The following EYS variants were observed in gnomAD, a reference collection of about 807,000 sequenced individuals.
EYS encodes the protein EGF-like photoreceptor maintenance factor.
In EYS, 250 loss-of-function variants were observed where a neutral mutation model predicts 282.1. The ratio of observed to expected loss-of-function variants is 0.89; its 90% CI spans 0.80 to 0.98. The LOEUF is 0.98. Ranked by LOEUF, EYS falls within the 50% of genes least tolerant of loss-of-function variation. The probability of loss-of-function intolerance (pLI) is 0.00; values close to 1 mark genes in which losing one functional copy is unlikely to be tolerated. For missense variants in EYS, 4,016 were observed against 3,709.0 expected (o/e 1.08, Z -2.15); for synonymous variants, 1,355 against 1,282.9 (o/e 1.06, Z -1.20).
At chr6:64,541,724 T>G (rs966183329) in intron 26 of EYS, among the ~76,000 whole-genome samples, 1 of 152,240 alleles carries the variant, frequency 6.6e-6, no homozygotes, top group Non-Finnish European at 1.5e-5. Flanking sequence ...ACCATGTGGC[T>G]TACTTCATCC....
chr6:64,717,948 A>G (rs939207437), intron 22 of EYS, among the ~76,000 whole-genome samples: 1 of 152,204 alleles, frequency 6.6e-6, no homozygotes, highest in Non-Finnish European at 1.5e-5. Context: ...TTCTTTGATG[A>G]ATGCAGAGAG....
At position 65,200,307 on chromosome 6, in the gene EYS, A is replaced by G. The variant is rs73741265; in HGVS notation, c.2023+95556T>C. On this transcript the variant is annotated intron_variant, in intron 12 of 42. Transcript: ENST00000503581. ...TGTTTTGAAAATCCAGGTGGAGATG[A>G]CTAGTAACTAGATAGAAATGCAATC... is the stretch of plus-strand genomic sequence containing the variant. 2.9e-3 allele frequency among the ~76,000 whole-genome samples: 434 copies of G among 151,746 alleles called. 23 individuals carry two copies. Among genetic ancestry groups the G allele is most frequent in the Middle Eastern group, 0.01 (3 of 294 alleles).
At chr6:65,396,849 T>C (rs1766296114) in intron 7 of EYS, among the ~76,000 whole-genome samples, 1 of 151,912 alleles carries the variant, frequency 6.6e-6, no homozygotes, top group African/African-American at 2.4e-5. Flanking sequence ...ACCTATTCTA[T>C]TTTTTCTTCT....
At chr6:65,629,510 G>A (rs543545025) in intron 2 of EYS, among the ~76,000 whole-genome samples, 2 of 152,242 alleles carry the variant, frequency 1.3e-5, no homozygotes, top group South Asian at 4.1e-4. Context: ...AATTCCAGCA[G>A]AACAGCTGAT....
chr6:65,027,854 T>C (rs1380645542), intron 13 of EYS, among the ~76,000 whole-genome samples: 4 of 152,200 alleles, frequency 2.6e-5, no homozygotes. Flanking sequence ...AAGGTGAATA[T>C]GAATATGTAT....
rs541885266 is a variant in EYS at position 64,102,082 on chromosome 6, C to T, written c.6425-20080G>A. The stretch of plus-strand genomic sequence containing the variant: ...ACCCACCACTCTCCTCCTTCTGTGC[C>T]GCCGGTTCCTAACACTCCACACTGA... On this transcript the variant is annotated intron_variant, in intron 31 of 42. Coordinates refer to ENST00000503581, the MANE Select transcript of EYS (RefSeq NM_001142800.2). Among the ~76,000 whole-genome samples, 33 of 152,086 alleles carry T rather than the reference C, an allele frequency of 2.2e-4. 1 individual carries two copies. The highest frequency in any genetic ancestry group is 3.3e-4 in the Admixed American group (5 of 15,264).
At chr6:64,326,939 G>C (rs1770446134) in intron 29 of EYS, among the ~76,000 whole-genome samples, 1 of 152,072 alleles carries the variant, frequency 6.6e-6, no homozygotes, top group East Asian at 1.9e-4. Context: ...CAACCCGAGG[G>C]GGTTGGGAAC....
intron 5 of EYS, among the ~76,000 whole-genome samples, chr6:65,476,583 C>CTT (rs72415144): frequency 2.8e-5 from 4 of 144,722 alleles, no homozygotes; most frequent in African/African-American, 1.0e-4. Context: ...TCTAAAACTG[C>CTT]TTTTTTTTTT....
chr6:64,677,787 T>A (rs943332260), intron 22 of EYS, among the ~76,000 whole-genome samples: 2 of 152,110 alleles, frequency 1.3e-5, no homozygotes, highest in Non-Finnish European at 2.9e-5. Context: ...ATGGGGTTTC[T>A]TTTTTCACCT....
At chr6:63,760,216 C>CA (rs1288061796) in intron 41 of EYS, among the ~76,000 whole-genome samples, 1 of 151,758 alleles carries the variant, frequency 6.6e-6, no homozygotes, top group Non-Finnish European at 1.5e-5. Flanking sequence ...TAAACTAGTC[C>CA]ATGAAAAAAG....
At chr6:65,209,487 T>C (rs1292139583) in intron 12 of EYS, among the ~76,000 whole-genome samples, 1 of 151,974 alleles carries the variant, frequency 6.6e-6, no homozygotes, top group Non-Finnish European at 1.5e-5. Flanking sequence ...GGAATGTTTA[T>C]TTTCATATCC....
chr6:65,573,163 AT>A (rs1344112200), intron 2 of EYS, among the ~76,000 whole-genome samples: 18 of 152,172 alleles, frequency 1.2e-4, no homozygotes, highest in African/African-American at 3.9e-4. Context: ...CAGAAAAACT[AT>A]AGACAGCTAT....
chr6:65,283,918 A>G (rs114489417), intron 12 of EYS, among the ~76,000 whole-genome samples: 2,702 of 152,242 alleles, frequency 0.018, 86 homozygotes, highest in African/African-American at 0.062. Context: ...ATTGCTTACA[A>G]AATAGTAGGT....
chr6:65,109,403 T>G (rs1581917414), intron 12 of EYS, among the ~76,000 whole-genome samples: 1 of 152,118 alleles, frequency 6.6e-6, no homozygotes, highest in African/African-American at 2.4e-5. Context: ...TAGTAGAATT[T>G]TTTGTTTGTT....
intron 2 of EYS, among the ~76,000 whole-genome samples, chr6:65,632,253 T>G (rs1006457555): frequency 6.6e-6 from 1 of 152,166 alleles, no homozygotes; most frequent in Admixed American, 6.5e-5. Flanking sequence ...TCTGGATGCT[T>G]TATAGGTACC....
Position 65,565,170 on chromosome 6 carries a change from G to A in EYS, c.-332-69177C>T, listed in dbSNP as rs1280458644. Among the ~76,000 whole-genome samples the A allele has an allele frequency of 8.7e-5, 4 of 46,118 alleles. 2 individuals are homozygous for A. The highest frequency in any genetic ancestry group is 1.3e-4 in the Non-Finnish European group (4 of 30,712). 30.3% of individuals were successfully genotyped at this position (46,118 alleles called of 152,430 possible). A position where few individuals can be genotyped will look rare whatever the true frequency, so the allele number is the denominator to read the frequency against. On this transcript the variant is annotated intron_variant, in intron 2 of 42. Transcript: ENST00000503581. ...TGAGGCGGGAGAATGGCGTGAACCCGGGAGGCGGAGCTTGCAGTGAGCCGA... is the reference window on the plus strand; with the variant it reads ...TGAGGCGGGAGAATGGCGTGAACCCAGGAGGCGGAGCTTGCAGTGAGCCGA...
intron 12 of EYS, among the ~76,000 whole-genome samples, chr6:65,238,749 T>G: frequency 6.6e-6 from 1 of 152,014 alleles, no homozygotes; most frequent in East Asian, 1.9e-4. Context: ...GTTTTAAATC[T>G]TATTCAATGG....
intron 12 of EYS, among the ~76,000 whole-genome samples, chr6:65,198,852 C>G (rs1226246343): frequency 6.6e-6 from 1 of 151,916 alleles, no homozygotes; most frequent in Non-Finnish European, 1.5e-5. Flanking sequence ...CTTTTGGCAG[C>G]AGAGACATTA....
At chr6:64,802,187 C>T (rs1198072889) in intron 22 of EYS, among the ~76,000 whole-genome samples, 2 of 151,498 alleles carry the variant, frequency 1.3e-5, no homozygotes, top group African/African-American at 2.4e-5. Context: ...GCGCCCACCA[C>T]CATGCCCGGC....
Sources: gnomAD v4.1 joint callset for allele counts (sites outside exome capture counted in the v4.1 genomes callset) on GRCh38, gnomAD v4.1.1 for gene constraint, MANE v1.5 for transcripts, NCBI Gene and HGNC (gene_info 2026-07-23, HGNC 2026-07-21) for gene names.